Variants in IGF2BP2 observed in about 807,000 individuals in gnomAD.
The protein encoded by IGF2BP2 is insulin-like growth factor 2 mRNA-binding protein 2.
A neutral mutation model predicts 75.8 loss-of-function variants in IGF2BP2; 17 were observed. The observed-to-expected ratio is 0.22, with a 90% CI of 0.15 to 0.34. IGF2BP2 has a LOEUF of 0.34. Ranked by LOEUF, IGF2BP2 falls within the 10% of genes least tolerant of loss-of-function variation. The pLI, the probability that IGF2BP2 is intolerant of heterozygous loss-of-function variation, is 1.00. For missense variants in IGF2BP2, 516 were observed against 772.4 expected (o/e 0.67, Z 3.93); for synonymous variants, 288 against 295.6 (o/e 0.97, Z 0.26).
intron 7 of IGF2BP2, among the ~76,000 whole-genome samples, chr3:185,678,746 T>C (rs1719928332): frequency 6.6e-6 from 1 of 152,234 alleles, no homozygotes; most frequent in Non-Finnish European, 1.5e-5. Flanking sequence ...ACTGTTATCA[T>C]GTTGCTAATT....
At chr3:185,702,339 G>A (rs770429834) in intron 2 of IGF2BP2, among the ~76,000 whole-genome samples, 3 of 151,878 alleles carry the variant, frequency 2.0e-5, no homozygotes, top group African/African-American at 4.8e-5. Context: ...GGAGGTGTTC[G>A]TTTCCCTCCT....
chr3:185,717,838 A>AAAG (rs1183585257), intron 2 of IGF2BP2: 1 of 152,254 alleles, frequency 6.6e-6, no homozygotes, highest in East Asian at 1.9e-4. Flanking sequence ...GGAAGTAGGT[A>AAAG]CCACTGAGAG....
At chr3:185,785,774 T>C (rs530568612) in intron 2 of IGF2BP2, among the ~76,000 whole-genome samples, 14 of 151,876 alleles carry the variant, frequency 9.2e-5, no homozygotes, top group Admixed American at 4.6e-4. Flanking sequence ...AATGGGGCCA[T>C]TGCACCCCAG....
intron 2 of IGF2BP2, among the ~76,000 whole-genome samples, chr3:185,720,525 A>C (rs1254958667): frequency 6.6e-6 from 1 of 152,184 alleles, no homozygotes; most frequent in Non-Finnish European, 1.5e-5. Context: ...AAGGATGCAC[A>C]CAATTGGCTC....
chr3:185,668,117 T>A (rs114379341), intron 10 of IGF2BP2, among the ~76,000 whole-genome samples: 312 of 152,328 alleles, frequency 2.0e-3, no homozygotes, highest in African/African-American at 7.3e-3. Flanking sequence ...CCTGTAAAGA[T>A]ATTCATTTTG....
chr3:185,750,214 G>A (rs948551889), intron 2 of IGF2BP2, among the ~76,000 whole-genome samples: 12 of 152,202 alleles, frequency 7.9e-5, no homozygotes, highest in African/African-American at 2.7e-4. Flanking sequence ...AAAGGTCAGA[G>A]AATGCTTACC....
At chr3:185,692,362 G>A (rs1722060153) in intron 5 of IGF2BP2, among the ~76,000 whole-genome samples, 2 of 152,168 alleles carry the variant, frequency 1.3e-5, no homozygotes, top group South Asian at 4.1e-4. Context: ...CACAGGTATG[G>A]TGCCCTCTAT....
At chr3:185,801,817 G>T (rs1490756211) in intron 2 of IGF2BP2, among the ~76,000 whole-genome samples, 1 of 152,060 alleles carries the variant, frequency 6.6e-6, no homozygotes, top group Non-Finnish European at 1.5e-5. Flanking sequence ...CACACATACA[G>T]CATGGAATAC....
At position 185,749,722 on chromosome 3, in the gene IGF2BP2, C is replaced by A. The variant is rs377484784; in HGVS notation, c.240-51375G>T. On this transcript the variant is annotated intron_variant, in intron 2 of 15. Coordinates refer to ENST00000382199, the MANE Select transcript of IGF2BP2 (RefSeq NM_006548.6). Reference sequence around the variant, plus strand: ...AGTGTAAAAAGTTAAATAGGACCTGCAATCAGACTTGGAATTAGCCAGGAT... The same window carrying A: ...AGTGTAAAAAGTTAAATAGGACCTGAAATCAGACTTGGAATTAGCCAGGAT... Among the ~76,000 whole-genome samples, 22 of 152,238 alleles carry A rather than the reference C, an allele frequency of 1.4e-4. No individual in the cohort carries two copies. The South Asian group carries it at 4.6e-3, about 32-fold the overall frequency.
intron 2 of IGF2BP2, among the ~76,000 whole-genome samples, chr3:185,711,716 T>C (rs935246196): frequency 2.0e-5 from 3 of 152,210 alleles, no homozygotes; most frequent in Non-Finnish European, 2.9e-5. Context: ...CTCTTTTTCC[T>C]TCCCTGGACG....
At chr3:185,657,760 C>T (rs985119278) in intron 11 of IGF2BP2, among the ~76,000 whole-genome samples, 2 of 152,216 alleles carry the variant, frequency 1.3e-5, no homozygotes, top group Non-Finnish European at 2.9e-5. Context: ...TTAAACATAC[C>T]TGGCCTGAAG....
intron 2 of IGF2BP2, chr3:185,713,400 G>A (rs747360863): frequency 7.7e-6 from 4 of 519,714 alleles, no homozygotes; most frequent in Non-Finnish European, 1.5e-5. Flanking sequence ...ACATTTATTG[G>A]AAAAGCAGCA....
At position 185,692,681 on chromosome 3, in the gene IGF2BP2, A is replaced by G. The variant is rs747841829; in HGVS notation, c.404+18T>C. 7.5e-5 allele frequency: 119 copies of G among 1,590,130 alleles called. No individual in the cohort carries two copies. The highest frequency in any genetic ancestry group is 9.0e-5 in the Non-Finnish European group (105 of 1,162,456). On this transcript the variant is annotated intron_variant, in intron 5 of 15. Transcript: ENST00000382199. ...AAAACAAATAAATTTAAACAGAAATAAGCCCAAATCTGCTTACATTTTTGC... is the reference window on the plus strand; with the variant it reads ...AAAACAAATAAATTTAAACAGAAATGAGCCCAAATCTGCTTACATTTTTGC...
chr3:185,809,765 A>C lies in IGF2BP2; in HGVS notation c.239+13388T>G, dbSNP rs1243845525. 3.3e-5 allele frequency among the ~76,000 whole-genome samples: 5 copies of C among 152,230 alleles called. 1 individual carries two copies. The highest frequency in any genetic ancestry group is 3.3e-4 in the Admixed American group (5 of 15,282). On this transcript the variant is annotated intron_variant, in intron 2 of 15. Transcript: ENST00000382199. ...ATTCTGAAAATACAGACGAAAAATA[A>C]GAGGAAAAGGGAAGAAGAAATAAAA...
chr3:185,722,258 G>C (rs769865680), intron 2 of IGF2BP2: 1 of 456,340 alleles, frequency 2.2e-6, no homozygotes. Flanking sequence ...CCATTCCATA[G>C]GGGGTGAAAC....
chr3:185,705,506 T>A (rs1723898475), intron 2 of IGF2BP2, among the ~76,000 whole-genome samples: 1 of 151,914 alleles, frequency 6.6e-6, no homozygotes, highest in African/African-American at 2.4e-5. Context: ...TCATAACTCA[T>A]GCTTCCTGGG....
At chr3:185,814,037 C>G (rs1203321302) in intron 2 of IGF2BP2, 2 of 152,256 alleles carry the variant, frequency 1.3e-5, no homozygotes, top group African/African-American at 2.4e-5. Flanking sequence ...GTCCTGCTGT[C>G]ACCGTTGGAA....
chr3:185,666,412 T>A (rs1453193656), intron 10 of IGF2BP2, among the ~76,000 whole-genome samples: 1 of 152,172 alleles, frequency 6.6e-6, no homozygotes, highest in Non-Finnish European at 1.5e-5. Context: ...GGCAGGTGGA[T>A]CACCTGAGGT....
chr3:185,680,372 C>T (rs1720188885), intron 7 of IGF2BP2, among the ~76,000 whole-genome samples: 1 of 152,132 alleles, frequency 6.6e-6, no homozygotes, highest in African/African-American at 2.4e-5. Flanking sequence ...TGCTACCAAA[C>T]ATTTAAAGAA....
Sources: gnomAD v4.1 joint callset for allele counts (sites outside exome capture counted in the v4.1 genomes callset) on GRCh38, gnomAD v4.1.1 for gene constraint, MANE v1.5 for transcripts, NCBI Gene and HGNC (gene_info 2026-07-23, HGNC 2026-07-21) for gene names.